The following TNRC6B variants were observed in gnomAD, a reference collection of about 807,000 sequenced individuals.
TNRC6B encodes trinucleotide repeat-containing gene 6B protein.
A neutral mutation model predicts 203.6 loss-of-function variants in TNRC6B; 52 were observed. The observed-to-expected ratio is 0.26, with a 90% CI of 0.20 to 0.32. The LOEUF (loss-of-function observed/expected upper bound fraction) is 0.32. TNRC6B is among the 10% of genes least tolerant of loss of function. The probability of loss-of-function intolerance (pLI) is 1.00; values close to 1 mark genes in which losing one functional copy is unlikely to be tolerated. For synonymous variants in TNRC6B, 838 were observed against 845.7 expected (o/e 0.99, Z 0.16); for missense variants, 1,923 against 2,286.2 (o/e 0.84, Z 3.24).
At chr22:40,238,721 C>T (rs2069983984) in intron 1 of TNRC6B, among the ~76,000 whole-genome samples, 1 of 152,218 alleles carries the variant, frequency 6.6e-6, no homozygotes, top group Non-Finnish European at 1.5e-5. Context: ...GCCCTCTCCC[C>T]ACCTCTCTCC....
chr22:40,323,305 T>C lies in TNRC6B; in HGVS notation c.*64T>C. 1 of 1,495,780 alleles carries C rather than the reference T, an allele frequency of 6.7e-7. No homozygotes were observed. The highest frequency in any genetic ancestry group is 2.4e-5 in the East Asian group (1 of 42,390). 92.7% of individuals were successfully genotyped at this position (1,495,780 alleles called of 1,614,324 possible). On this transcript the variant is annotated 3_prime_UTR_variant, in exon 23 of 23. Coordinates refer to ENST00000454349, the MANE Select transcript of TNRC6B (RefSeq NM_001162501.2). The stretch of plus-strand genomic sequence containing the variant: ...GAACAGCAGCAGCACTAACTTGACC[T>C]TTTCGTTTTTTTTTTCAACTTGCAA...
intron 1 of TNRC6B, among the ~76,000 whole-genome samples, chr22:40,099,488 G>C (rs1601814231): frequency 1.3e-5 from 2 of 152,168 alleles, no homozygotes; most frequent in South Asian, 4.2e-4. Flanking sequence ...ATATTCATGG[G>C]TTCTACATCC....
intron 3 of TNRC6B, among the ~76,000 whole-genome samples, chr22:40,252,474 CAAT>C (rs2070209239): frequency 6.6e-6 from 1 of 152,092 alleles, no homozygotes; most frequent in South Asian, 2.1e-4. Flanking sequence ...GCCTGTCACA[CAAT>C]GATGAAAGAG....
chr22:40,079,865 G>A (rs1050321741), intron 1 of TNRC6B, among the ~76,000 whole-genome samples: 1 of 151,912 alleles, frequency 6.6e-6, no homozygotes, highest in Non-Finnish European at 1.5e-5. Context: ...GCACAATCTC[G>A]GCTCACTGCA....
intron 22 of TNRC6B, among the ~76,000 whole-genome samples, chr22:40,322,408 C>T (rs1266359351): frequency 6.6e-6 from 1 of 152,174 alleles, no homozygotes; most frequent in Admixed American, 6.5e-5. Context: ...CGGCCTTGTA[C>T]AGTATATGGT....
chr22:40,291,900 G>C (rs1053199690), intron 12 of TNRC6B, among the ~76,000 whole-genome samples: 1 of 152,150 alleles, frequency 6.6e-6, no homozygotes, highest in African/African-American at 2.4e-5. Flanking sequence ...TGTAAACATA[G>C]AAGATACTGA....
chr22:40,132,900 C>A (rs12484469), intron 3 of TNRC6B, among the ~76,000 whole-genome samples: 1 of 131,780 alleles, frequency 7.6e-6, no homozygotes, highest in Admixed American at 8.7e-5. Context: ...GCCAAGATCG[C>A]GCCACTGCAC....
intron 19 of TNRC6B, among the ~76,000 whole-genome samples, chr22:40,314,384 A>G (rs112725840): frequency 6.6e-6 from 1 of 152,142 alleles, no homozygotes; most frequent in African/African-American, 2.4e-5. Context: ...GTTCCATTCT[A>G]TTTACTATCA....
intron 1 of TNRC6B, among the ~76,000 whole-genome samples, chr22:40,226,200 C>T (rs1303742313): frequency 6.6e-6 from 1 of 152,166 alleles, no homozygotes; most frequent in Non-Finnish European, 1.5e-5. Flanking sequence ...TGCTGGCACA[C>T]AAGAACACGA....
intron 1 of TNRC6B, among the ~76,000 whole-genome samples, chr22:40,230,994 C>G (rs908731382): frequency 6.6e-6 from 1 of 152,056 alleles, no homozygotes; most frequent in African/African-American, 2.4e-5. Context: ...TGAAAACACT[C>G]TCTTTTCTCA....
intron 2 of TNRC6B, among the ~76,000 whole-genome samples, chr22:40,122,468 G>T (rs1341331859): frequency 6.6e-6 from 1 of 152,186 alleles, no homozygotes; most frequent in Admixed American, 6.5e-5. Flanking sequence ...TAGTTGTGAG[G>T]GTCCTGTGTT....
chr22:40,200,640 A>G (rs1054640038), intron 1 of TNRC6B, among the ~76,000 whole-genome samples: 4 of 152,132 alleles, frequency 2.6e-5, no homozygotes, highest in Admixed American at 2.6e-4. Flanking sequence ...CATAAAATTA[A>G]ATGTTCCCTA....
intron 1 of TNRC6B, among the ~76,000 whole-genome samples, chr22:40,240,719 G>T (rs2070016567): frequency 6.6e-6 from 1 of 152,188 alleles, no homozygotes; most frequent in African/African-American, 2.4e-5. Context: ...GAGAAAATAT[G>T]AATGATTTCT....
Position 40,335,147 on chromosome 22 carries a change from A to G in TNRC6B, c.*11906A>G, listed in dbSNP as rs1248970996. 2 of 133,110 alleles carry G rather than the reference A, an allele frequency of 1.5e-5. No individual in the cohort carries two copies. Among genetic ancestry groups the G allele is most frequent in the African/African-American group, 5.5e-5 (2 of 36,256 alleles). 8.2% of individuals were successfully genotyped at this position (133,110 alleles called of 1,614,324 possible). On this transcript the variant is annotated 3_prime_UTR_variant, in exon 23 of 23. Coordinates refer to ENST00000454349, the MANE Select transcript of TNRC6B (RefSeq NM_001162501.2). ...TAAGGACGCCTGGGGGAGAAAAGGG[A>G]GGATGTGGCATTGTCTTTTTTTTTT... is the stretch of plus-strand genomic sequence containing the variant.
At chr22:40,185,744 A>T (rs1415552041) in intron 1 of TNRC6B, among the ~76,000 whole-genome samples, 1 of 152,170 alleles carries the variant, frequency 6.6e-6, no homozygotes, top group East Asian at 1.9e-4. Flanking sequence ...GAGAATTTTG[A>T]TATGGCAGTG....
intron 1 of TNRC6B, chr22:40,106,530 G>C (rs2068284888): frequency 1.4e-6 from 1 of 736,722 alleles, no homozygotes; most frequent in African/African-American, 1.7e-5. Context: ...TATTTACCAA[G>C]AGATCGAGCA....
At chr22:40,287,119 C>T (rs557895112) in intron 12 of TNRC6B, among the ~76,000 whole-genome samples, 11 of 152,212 alleles carry the variant, frequency 7.2e-5, no homozygotes, top group African/African-American at 2.6e-4. Context: ...AAGCAGTCCT[C>T]CCTCCTCAGC....
chr22:40,250,908 A>G (rs1283162757), intron 2 of TNRC6B, among the ~76,000 whole-genome samples: 2 of 147,714 alleles, frequency 1.4e-5, no homozygotes, highest in African/African-American at 5.0e-5. Flanking sequence ...TCTCAGTGGG[A>G]CCTCATCGTA....
chr22:40,198,392 T>C (rs769441728), intron 1 of TNRC6B, among the ~76,000 whole-genome samples: 6 of 152,136 alleles, frequency 3.9e-5, no homozygotes, highest in Admixed American at 6.5e-5. Context: ...CTTTTCTCTC[T>C]CTTTTCCTTC....
Sources: allele counts gnomAD v4.1 joint callset (sites outside exome capture counted in the v4.1 genomes callset), GRCh38; gene constraint gnomAD v4.1.1; transcripts MANE v1.5; gene names NCBI Gene and HGNC (gene_info 2026-07-23, HGNC 2026-07-21).